The following STARD3 variants were observed in gnomAD, a reference collection of about 807,000 sequenced individuals.
The protein encoded by STARD3 is StAR related lipid transfer domain containing 3.
In STARD3, 39 loss-of-function variants were observed where a neutral mutation model predicts 62.0. That is an observed-to-expected ratio of 0.63 (90% CI 0.49 to 0.82). STARD3 has a LOEUF of 0.82. STARD3 is among the 40% of genes least tolerant of loss of function. The probability of loss-of-function intolerance (pLI) is 0.00; values close to 1 mark genes in which losing one functional copy is unlikely to be tolerated. For synonymous variants in STARD3, 229 were observed against 242.4 expected (o/e 0.94, Z 0.51); for missense variants, 543 against 584.5 (o/e 0.93, Z 0.73).
At chr17:39,638,443 G>A (rs915081837) in intron 1 of STARD3, among the ~76,000 whole-genome samples, 7 of 152,108 alleles carry the variant, frequency 4.6e-5, no homozygotes, top group African/African-American at 1.7e-4. Flanking sequence ...CAATAATACG[G>A]CACTGCAGCA....
chr17:39,661,160 T>C, intron 13 of STARD3, 75 bp downstream of exon 13: 3 of 1,387,662 alleles, frequency 2.2e-6, no homozygotes, highest in Non-Finnish European at 3.0e-6. Context: ...GGGTACAGCA[T>C]GTACAGCTGG....
chr17:39,660,761 G>C lies in STARD3; in HGVS notation c.955-49G>C. 6.5e-7 allele frequency: 1 copy of C among 1,539,350 alleles called. No homozygotes were observed. The highest frequency in any genetic ancestry group is 8.7e-7 in the Non-Finnish European group (1 of 1,142,864). ...GGGCCTGGGGTGTTCCCATCCCTGG[G>C]GTTTTCCTGGGGCGACCTGTTCCAA... On this transcript the variant is annotated intron_variant, in intron 11 of 14. Coordinates refer to ENST00000336308, the MANE Select transcript of STARD3 (RefSeq NM_006804.4). This position sits in a 1 kb window ranked among gnomAD's most constrained non-coding sequence, Gnocchi z 4.8.
At position 39,657,105 on chromosome 17, in the gene STARD3, C is replaced by T. The variant is rs1400822460; in HGVS notation, c.297+20C>T. On this transcript the variant is annotated intron_variant, in intron 3 of 14. Transcript: ENST00000336308. ...ATCTTTGTGAGTGGCCTTGGCTGAT[C>T]CTGGGGACCCCGGAGGCAGAGAGGG... 1.2e-6 allele frequency: 2 copies of T among 1,612,872 alleles called. No homozygotes were observed. The highest frequency in any genetic ancestry group is 1.7e-6 in the Non-Finnish European group (2 of 1,179,242).
At chr17:39,646,574 A>G (rs2057027749) in intron 1 of STARD3, among the ~76,000 whole-genome samples, 1 of 152,308 alleles carries the variant, frequency 6.6e-6, no homozygotes, top group East Asian at 1.9e-4. Context: ...GTTTTAATGC[A>G]GCTGAGGAAA....
At chr17:39,658,990 A>G in intron 7 of STARD3, 61 bp from the exon 8 acceptor site, 1 of 1,606,698 alleles carries the variant, frequency 6.2e-7, no homozygotes, top group Non-Finnish European at 8.5e-7. Context: ...CCCGAACCCC[A>G]CTACCTCCCC....
At chr17:39,662,086 A>G (rs1283209703) in intron 13 of STARD3, among the ~76,000 whole-genome samples, 165 bp from the exon 14 acceptor site, 2 of 152,036 alleles carry the variant, frequency 1.3e-5, no homozygotes, top group Admixed American at 6.5e-5. Context: ...TCTGCAGCCC[A>G]TGGGACACCT....
At position 39,658,539 on chromosome 17, in the gene STARD3, A is replaced by G; in HGVS notation, c.547+17A>G. The G allele has an allele frequency of 6.2e-7, 1 of 1,610,044 alleles. No homozygotes were observed. Among genetic ancestry groups the G allele is most frequent in the Non-Finnish European group, 8.5e-7 (1 of 1,177,102 alleles). On this transcript the variant is annotated intron_variant, in intron 6 of 14. Transcript: ENST00000336308. ...AGGAGCGATGTGAGTGCTTGCGGGT[A>G]GGGGGGTGCAGCGAGGGTTACCCAC...
chr17:39,661,155 C>T (rs2145044960), intron 13 of STARD3, 70 bp downstream of exon 13: 1 of 1,388,634 alleles, frequency 7.2e-7, no homozygotes, highest in Non-Finnish European at 1.0e-6. Context: ...GTGCAGGGTA[C>T]AGCATGTACA....
Position 39,662,855 on chromosome 17 carries a change from G to A in STARD3, c.1285G>A (p.Glu429Lys), listed in dbSNP as rs772354583. The part of the protein sequence containing the change: ...IHQSLAATMF[E>K]FAFHLRQRIS... ...CCAGAGCCTCGCGGCCACCATGTTT[G>A]AATTTGCCTTTCACCTGCGACAGCG... Residue 429 changes from glutamate to lysine, a missense_variant, in exon 15 of 15, where the codon GAA becomes AAA. By Grantham distance (56) the Glu-to-Lys change is moderately conservative. Coordinates refer to ENST00000336308, the MANE Select transcript of STARD3 (RefSeq NM_006804.4). The A allele has an allele frequency of 2.5e-6, 4 of 1,612,808 alleles. No homozygotes were observed. The highest frequency in any genetic ancestry group is 3.4e-6 in the Non-Finnish European group (4 of 1,179,570).
intron 1 of STARD3, among the ~76,000 whole-genome samples, chr17:39,648,504 T>C (rs1381408696): frequency 6.6e-6 from 1 of 152,028 alleles, no homozygotes; most frequent in Non-Finnish European, 1.5e-5. Context: ...AAAAAACCAC[T>C]GACTTTCCCC....
intron 1 of STARD3, among the ~76,000 whole-genome samples, chr17:39,639,956 G>A (rs1041790018): frequency 4.6e-5 from 7 of 152,128 alleles, no homozygotes; most frequent in South Asian, 2.1e-4. Flanking sequence ...GGGAGCCCAC[G>A]GTCCTTTGTT....
intron 1 of STARD3, among the ~76,000 whole-genome samples, chr17:39,643,172 C>A (rs188829520): frequency 1.3e-3 from 191 of 152,030 alleles, no homozygotes; most frequent in African/African-American, 4.5e-3. Flanking sequence ...CAGATACTGG[C>A]CAGATTTTGC....
chr17:39,662,337 A>G lies in STARD3; in HGVS notation c.1226A>G (p.Asp409Gly). Residue 409 changes from aspartate to glycine, a missense_variant, in exon 14 of 15, where the codon GAT becomes GGT. Coordinates refer to ENST00000336308, the MANE Select transcript of STARD3 (RefSeq NM_006804.4). Reference sequence around the variant, plus strand: ...ACCTTTGTCTGGATTCTTAATACAGATCTCAAGGTGGGGTGCTGGGGGGCT... The same window carrying G: ...ACCTTTGTCTGGATTCTTAATACAGGTCTCAAGGTGGGGTGCTGGGGGGCT... ...VCTFVWILNT[D>G]LKGRLPRYLI... The G allele has an allele frequency of 6.2e-7, 1 of 1,613,862 alleles. No homozygotes were observed. The highest frequency in any genetic ancestry group is 8.5e-7 in the Non-Finnish European group (1 of 1,179,926).
In STARD3 at chr17:39,654,259, A is replaced by C. The variant is rs538610340; in HGVS notation, c.219+509A>C. 9.8e-5 allele frequency among the ~76,000 whole-genome samples: 15 copies of C among 152,320 alleles called. No homozygotes were observed. In the East Asian group the frequency reaches 2.9e-3, roughly 29 times the overall value. ...ACTGTGCTAAAACCAGACGCTAGCC[A>C]GGTGTGGTGGTGCACACCTGTTGTC... On this transcript the variant is annotated intron_variant, in intron 2 of 14. Coordinates refer to ENST00000336308, the MANE Select transcript of STARD3 (RefSeq NM_006804.4).
At position 39,662,360 on chromosome 17, in the gene STARD3, GC is replaced by G. The variant is rs2057209748; in HGVS notation, c.1233+17del. On this transcript the variant is annotated intron_variant, in intron 14 of 14. Transcript: ENST00000336308. ...AGATCTCAAGGTGGGGTGCTGGGGGGCTGCCAGGTGGGTTCTGTGGAGTGGA... is the reference window on the plus strand; with the variant it reads ...AGATCTCAAGGTGGGGTGCTGGGGGGTGCCAGGTGGGTTCTGTGGAGTGGA... 1.2e-6 allele frequency: 2 copies of G among 1,611,322 alleles called. No homozygotes were observed. Among genetic ancestry groups the G allele is most frequent in the Non-Finnish European group, 1.7e-6 (2 of 1,178,432 alleles).
rs148526353 is a variant in STARD3 at position 39,662,303 on chromosome 17, C to T, written c.1192C>T (p.Arg398Cys). The part of the protein sequence containing the change: ...FIVLKSASNP[R>C]VCTFVWILNT... The stretch of plus-strand genomic sequence containing the variant: ...CGTGCTCAAGTCGGCCAGTAACCCC[C>T]GTGTTTGCACCTTTGTCTGGATTCT... The change falls in exon 14 of 15, where the codon CGT (arginine) becomes TGT (cysteine). Residue 398 changes from arginine (R) to cysteine (C), a missense_variant. Coordinates refer to ENST00000336308, the MANE Select transcript of STARD3 (RefSeq NM_006804.4). 7.2e-5 allele frequency: 117 copies of T among 1,614,000 alleles called. No individual in the cohort carries two copies. The African/African-American group carries it at 1.2e-3, about 17-fold the overall frequency.
chr17:39,659,832 A>T, intron 9 of STARD3: 1 of 479,340 alleles, frequency 2.1e-6, no homozygotes, highest in South Asian at 2.3e-5. Flanking sequence ...TCTGCTCTGC[A>T]TCCGTTGTTT....
At chr17:39,644,894 C>T (rs1030784736) in intron 1 of STARD3, among the ~76,000 whole-genome samples, 4 of 151,360 alleles carry the variant, frequency 2.6e-5, no homozygotes, top group African/African-American at 9.7e-5. Context: ...GGCTAGGAAA[C>T]GCCTACTGAG....
chr17:39,658,395 C>T lies in STARD3; in HGVS notation c.430-10C>T. On this transcript the variant is annotated splice_polypyrimidine_tract_variant and intron_variant, in intron 5 of 14. Coordinates refer to ENST00000336308, the MANE Select transcript of STARD3 (RefSeq NM_006804.4). ...CCCCTGCCATGGAGCTCAGCCCCCT[C>T]CCTTCACAGCTGCTCAGCAAAGGGG... 1 of 1,612,158 alleles carries T rather than the reference C, an allele frequency of 6.2e-7. No homozygotes were observed. Among genetic ancestry groups the T allele is most frequent in the Non-Finnish European group, 8.5e-7 (1 of 1,178,408 alleles).
Sources: allele counts gnomAD v4.1 joint callset (sites outside exome capture counted in the v4.1 genomes callset), GRCh38; gene constraint gnomAD v4.1.1; non-coding constraint Gnocchi (gnomAD v3.1); transcripts MANE v1.5; gene names NCBI Gene and HGNC (gene_info 2026-07-23, HGNC 2026-07-21).